The following DPP10 variants were observed in gnomAD, a reference collection of about 807,000 sequenced individuals.
DPP10 encodes the protein inactive dipeptidyl peptidase 10.
A neutral mutation model predicts 120.9 loss-of-function variants in DPP10; 33 were observed. That is an observed-to-expected ratio of 0.27 (90% CI 0.21 to 0.37). The LOEUF is 0.37. Ranked by LOEUF, DPP10 falls within the 10% of genes least tolerant of loss-of-function variation. The pLI is 1.00. For synonymous variants in DPP10, 337 were observed against 326.1 expected (o/e 1.03, Z -0.36); for missense variants, 816 against 942.8 (o/e 0.87, Z 1.76).
chr2:115,482,286 T>TTA (rs903413419), intron 3 of DPP10, among the ~76,000 whole-genome samples: 181 of 142,428 alleles, frequency 1.3e-3, no homozygotes, highest in Middle Eastern at 3.7e-3. Context: ...TGTTATAAGA[T>TTA]TATATATATA....
At chr2:115,403,070 A>G (rs975986723) in intron 3 of DPP10, among the ~76,000 whole-genome samples, 5 of 151,244 alleles carry the variant, frequency 3.3e-5, no homozygotes, top group Non-Finnish European at 5.9e-5. Context: ...CATTTTTCAC[A>G]ATCAAGTGAG....
At chr2:114,948,552 T>C (rs937140577) in intron 1 of DPP10, among the ~76,000 whole-genome samples, 1 of 152,190 alleles carries the variant, frequency 6.6e-6, no homozygotes, top group Non-Finnish European at 1.5e-5. Context: ...CTTTTTATAA[T>C]TTTAAATAAT....
rs1387413856 is a variant in DPP10 at position 114,834,739 on chromosome 2, C to T, written c.60+391901C>T. ...GTATATATAAGCCATGTCTACGCAC[C>T]TATGTATATATAAGCCATGTCTACG... is the stretch of plus-strand genomic sequence containing the variant. On this transcript the variant is annotated intron_variant, in intron 1 of 25. Transcript: ENST00000410059. Among the ~76,000 whole-genome samples the T allele has an allele frequency of 1.3e-4, 18 of 135,842 alleles. 3 individuals are homozygous for T. The highest frequency in any genetic ancestry group is 4.4e-4 in the African/African-American group (17 of 38,444). 89.1% of individuals were successfully genotyped at this position (135,842 alleles called of 152,430 possible).
At chr2:115,503,507 G>A (rs1003653832) in intron 4 of DPP10, among the ~76,000 whole-genome samples, 1 of 152,086 alleles carries the variant, frequency 6.6e-6, no homozygotes, top group Non-Finnish European at 1.5e-5. Context: ...CAAAGGCACC[G>A]ACAATTGTAC....
chr2:115,276,682 A>T (rs562634762), intron 1 of DPP10, among the ~76,000 whole-genome samples: 1 of 152,330 alleles, frequency 6.6e-6, no homozygotes, highest in South Asian at 2.1e-4. Flanking sequence ...AAGATATCCA[A>T]TGAGATACAA....
At chr2:114,796,273 A>C (rs1329949794) in intron 1 of DPP10, among the ~76,000 whole-genome samples, 1 of 152,190 alleles carries the variant, frequency 6.6e-6, no homozygotes, top group Non-Finnish European at 1.5e-5. Context: ...TACAAGAAAG[A>C]GTTGAATTTC....
chr2:115,184,301 T>C (rs2054282131), intron 1 of DPP10, among the ~76,000 whole-genome samples: 1 of 152,356 alleles, frequency 6.6e-6, no homozygotes, highest in Non-Finnish European at 1.5e-5. Context: ...TGGAATTCTT[T>C]TGCTGCCTGA....
At chr2:114,820,584 C>A (rs572895560) in intron 1 of DPP10, among the ~76,000 whole-genome samples, 1 of 152,088 alleles carries the variant, frequency 6.6e-6, no homozygotes, top group Admixed American at 6.6e-5. Context: ...GCTGGGGAGG[C>A]CTCAGGAAAT....
chr2:114,479,616 A>G (rs1038969418), intron 1 of DPP10, among the ~76,000 whole-genome samples: 2 of 152,200 alleles, frequency 1.3e-5, no homozygotes, highest in African/African-American at 2.4e-5. Context: ...CAATGGGGAA[A>G]GGATTCCCTA....
intron 3 of DPP10, among the ~76,000 whole-genome samples, chr2:115,457,059 C>T (rs2073612068): frequency 6.6e-6 from 1 of 151,936 alleles, no homozygotes; most frequent in Admixed American, 6.6e-5. Flanking sequence ...GTGGTACTAT[C>T]ATAATGACAA....
intron 5 of DPP10, among the ~76,000 whole-genome samples, chr2:115,536,808 A>G (rs1343692449): frequency 3.9e-5 from 6 of 152,036 alleles, no homozygotes; most frequent in Non-Finnish European, 8.8e-5. Context: ...CTAAGTGCAA[A>G]TATCTAAGCT....
intron 1 of DPP10, among the ~76,000 whole-genome samples, chr2:114,478,370 T>C (rs1463603226): frequency 6.6e-6 from 1 of 152,098 alleles, no homozygotes; most frequent in Non-Finnish European, 1.5e-5. Flanking sequence ...CTGATATTTA[T>C]TTACTGCAAA....
chr2:115,479,640 CAT>C (rs1491308575), intron 3 of DPP10, among the ~76,000 whole-genome samples: 3 of 144,560 alleles, frequency 2.1e-5, no homozygotes, highest in Admixed American at 6.7e-5. Context: ...TAAAAACACA[CAT>C]GTATATATAT....
intron 1 of DPP10, among the ~76,000 whole-genome samples, chr2:114,863,511 C>T (rs58970492): frequency 6.6e-6 from 1 of 152,048 alleles, no homozygotes; most frequent in African/African-American, 2.4e-5. Flanking sequence ...TTCACTCTTC[C>T]ATTCTCCACT....
chr2:115,578,369 C>T (rs959356646), intron 5 of DPP10, among the ~76,000 whole-genome samples: 3 of 152,132 alleles, frequency 2.0e-5, no homozygotes, highest in African/African-American at 7.2e-5. Context: ...TACACGTGTA[C>T]ACATACACAC....
At chr2:115,009,060 C>G (rs1164281312) in intron 1 of DPP10, among the ~76,000 whole-genome samples, 2 of 73,590 alleles carry the variant, frequency 2.7e-5, no homozygotes, top group East Asian at 3.9e-4. Flanking sequence ...ACCATTTGAC[C>G]CAGCCATCCC....
chr2:114,923,635 C>G (rs181567631), intron 1 of DPP10, among the ~76,000 whole-genome samples: 2 of 151,656 alleles, frequency 1.3e-5, no homozygotes, highest in African/African-American at 4.8e-5. Flanking sequence ...CCCGCCACCA[C>G]GCCTGGCTAA....
chr2:115,637,258 G>A (rs1398585462), intron 5 of DPP10, among the ~76,000 whole-genome samples: 4 of 152,060 alleles, frequency 2.6e-5, no homozygotes, highest in African/African-American at 9.7e-5. Flanking sequence ...ATTTTGTGAA[G>A]AGGAAAAATA....
At chr2:115,442,898 C>T (rs2072210775) in intron 3 of DPP10, among the ~76,000 whole-genome samples, 1 of 152,050 alleles carries the variant, frequency 6.6e-6, no homozygotes, top group Non-Finnish European at 1.5e-5. Context: ...TCTCATGTGG[C>T]TTTAGTTTGA....
Sources: gnomAD v4.1 joint callset for allele counts (sites outside exome capture counted in the v4.1 genomes callset) on GRCh38, gnomAD v4.1.1 for gene constraint, MANE v1.5 for transcripts, NCBI Gene and HGNC (gene_info 2026-07-23, HGNC 2026-07-21) for gene names.